OR2A14: variants seen among roughly 807,000 people sequenced by gnomAD.
The protein encoded by OR2A14 is olfactory receptor family 2 subfamily A member 14, also known as olfactory receptor 2A14.
Under a neutral mutation model 2.4 loss-of-function variants are expected in OR2A14, and 2 were observed. That is an observed-to-expected ratio of 0.85 (90% CI 0.35 to 2.67). The LOEUF (loss-of-function observed/expected upper bound fraction) is 2.67, where lower values mean the gene tolerates loss of function less well. Among genes scored for constraint, OR2A14 ranks in the 30% most tolerant of loss-of-function variants. OR2A14 has a pLI of 0.10. For missense variants in OR2A14, 390 were observed against 379.4 expected (o/e 1.03, Z -0.23); for synonymous variants, 160 against 156.3 (o/e 1.02, Z -0.18).
intron 1 of OR2A14, among the ~76,000 whole-genome samples, chr7:144,127,961 A>C (rs771785064): frequency 2.6e-5 from 4 of 152,150 alleles, no homozygotes; most frequent in Middle Eastern, 3.2e-3. Context: ...CCTTAGAAAG[A>C]GCTCACCAGC....
intron 1 of OR2A14, among the ~76,000 whole-genome samples, 193 bp downstream of exon 1, chr7:144,123,457 T>C (rs527807880): frequency 8.5e-5 from 13 of 152,248 alleles, no homozygotes; most frequent in African/African-American, 2.9e-4. Context: ...TATCCCAGGA[T>C]ATGGCCATGT....
In OR2A14 at chr7:144,130,170, T is replaced by C; in HGVS notation, c.*125T>C. The C allele has an allele frequency of 2.9e-6, 2 of 688,858 alleles. No individual in the cohort carries two copies. Among genetic ancestry groups the C allele is most frequent in the Non-Finnish European group, 4.8e-6 (2 of 417,848 alleles). 42.7% of individuals were successfully genotyped at this position (688,858 alleles called of 1,614,324 possible). A position where few individuals can be genotyped will look rare whatever the true frequency, so the allele number is the denominator to read the frequency against. ...AACTGGAATACTATAGACCTATACATATAAACTGAAGACACAAATCTTTTA... is the reference window on the plus strand; with the variant it reads ...AACTGGAATACTATAGACCTATACACATAAACTGAAGACACAAATCTTTTA... On this transcript the variant is annotated 3_prime_UTR_variant, in exon 2 of 2. Coordinates refer to ENST00000641068, the MANE Select transcript of OR2A14 (RefSeq NM_001001659.3).
At position 144,123,283 on chromosome 7, in the gene OR2A14, T is replaced by C. The variant is rs994745973; in HGVS notation, c.-35+19T>C. 4 of 152,198 alleles carry C rather than the reference T, an allele frequency of 2.6e-5. No individual in the cohort carries two copies. The highest frequency in any genetic ancestry group is 9.7e-5 in the African/African-American group (4 of 41,420). 9.4% of individuals were successfully genotyped at this position (152,198 alleles called of 1,614,324 possible). A position where few individuals can be genotyped will look rare whatever the true frequency, so the allele number is the denominator to read the frequency against. On this transcript the variant is annotated intron_variant, in intron 1 of 1. Coordinates refer to ENST00000641068, the MANE Select transcript of OR2A14 (RefSeq NM_001001659.3). ...TTGTACTGTAAGTAAATGTGGTGTA[T>C]TTGCCTTGAGAAAGGGTTTACAGAT...
Position 144,129,221 on chromosome 7 carries a change from A to T in OR2A14, c.109A>T (p.Thr37Ser), listed in dbSNP as rs753163621. 1.2e-4 allele frequency: 193 copies of T among 1,613,444 alleles called. No homozygotes were observed. Among genetic ancestry groups the T allele is most frequent in the Middle Eastern group, 1.6e-4 (1 of 6,082 alleles). ...ACTTTTCTCTGCCTTCTATACACTC[A>T]CCCTGCTGGGGAATGGGGTCATCTT... is the stretch of plus-strand genomic sequence containing the variant. ...CGLFSAFYTL[T>S]LLGNGVIFGI... Residue 37 changes from threonine (T) to serine (S), a missense_variant, in exon 2 of 2, where the codon ACC becomes TCC. By Grantham distance (58) the Thr-to-Ser change is moderately conservative (BLOSUM62 1). Coordinates refer to ENST00000641068, the MANE Select transcript of OR2A14 (RefSeq NM_001001659.3).
chr7:144,127,342 C>T (rs2051488918), intron 1 of OR2A14, among the ~76,000 whole-genome samples: 1 of 152,178 alleles, frequency 6.6e-6, no homozygotes, highest in South Asian at 2.1e-4. Flanking sequence ...GATTCTTACA[C>T]ACTGTGGGAG....
chr7:144,129,708 T>C lies in OR2A14; in HGVS notation c.596T>C (p.Phe199Ser). Residue 199 changes from phenylalanine (F) to serine (S), a missense_variant, in exon 2 of 2, where the codon TTT (phenylalanine) becomes TCT (serine). Coordinates refer to ENST00000641068, the MANE Select transcript of OR2A14 (RefSeq NM_001001659.3). The stretch of plus-strand genomic sequence containing the variant: ...ACCTGGCTCAACCAGGTGGTCATCT[T>C]TGCAGCCTGCGTGTTCATCCTGGTG... Reference protein sequence around the residue: ...ADTWLNQVVIFAACVFILVGP... With the variant: ...ADTWLNQVVISAACVFILVGP... The C allele has an allele frequency of 6.2e-7, 1 of 1,614,164 alleles. No individual in the cohort carries two copies. The highest frequency in any genetic ancestry group is 8.5e-7 in the Non-Finnish European group (1 of 1,180,038).
At position 144,129,444 on chromosome 7, in the gene OR2A14, G is replaced by C; in HGVS notation, c.332G>C (p.Cys111Ser). ...FLYLAFAHVE[C>S]LILVVMSYDR... ...TATTTGGCTTTTGCTCACGTAGAGT[G>C]TCTGATTTTGGTGGTGATGTCCTAT... is the stretch of plus-strand genomic sequence containing the variant. Residue 111 changes from cysteine to serine, a missense_variant, in exon 2 of 2, where the codon TGT becomes TCT. Transcript: ENST00000641068. 1 of 1,614,084 alleles carries C rather than the reference G, an allele frequency of 6.2e-7. No individual in the cohort carries two copies. Among genetic ancestry groups the C allele is most frequent in the African/African-American group, 1.3e-5 (1 of 75,036 alleles).
In OR2A14 at chr7:144,129,772, C is replaced by T. The variant is rs200543242; in HGVS notation, c.660C>T (p.Ile220=). The change falls in exon 2 of 2, where the codon ATC becomes ATT. Residue 220 remains isoleucine (I), a synonymous_variant. Coordinates refer to ENST00000641068, the MANE Select transcript of OR2A14 (RefSeq NM_001001659.3). The part of the protein sequence containing the change: ...LCLVLVSYLR[I]LAAILRIQSG... ...TGGTGCTGGTCTCCTACTTGCGCAT[C>T]CTGGCCGCCATCTTGAGGATCCAGT... 6.5e-4 allele frequency: 1,041 copies of T among 1,613,926 alleles called. No homozygotes were observed. Among genetic ancestry groups the T allele is most frequent in the Non-Finnish European group, 8.4e-4 (986 of 1,180,032 alleles).
Position 144,130,613 on chromosome 7 carries a change from C to CT in OR2A14, c.*569dup. ...ACCATGAGATACTATTATATACCCA[C>CT]TAAGATGTCTGAAATTTTTAATGGC... On this transcript the variant is annotated 3_prime_UTR_variant, in exon 2 of 2. Transcript: ENST00000641068. 1 of 152,226 alleles carries CT rather than the reference C, an allele frequency of 6.6e-6. No individual in the cohort carries two copies. Among genetic ancestry groups the CT allele is most frequent in the Non-Finnish European group, 1.5e-5 (1 of 68,114 alleles). The allele number at this position is 152,226 out of a possible 1,614,324, so 9.4% of individuals were successfully genotyped here.
chr7:144,127,129 C>T (rs891317403), intron 1 of OR2A14, among the ~76,000 whole-genome samples: 2 of 152,206 alleles, frequency 1.3e-5, no homozygotes, highest in Non-Finnish European at 2.9e-5. Context: ...TTATAATCTG[C>T]CTCCCTTTCA....
rs1234406611 is a variant in OR2A14 at position 144,130,605 on chromosome 7, T to C, written c.*560T>C. On this transcript the variant is annotated 3_prime_UTR_variant, in exon 2 of 2. Coordinates refer to ENST00000641068, the MANE Select transcript of OR2A14 (RefSeq NM_001001659.3). ...TTAAAACCACCATGAGATACTATTATATACCCACTAAGATGTCTGAAATTT... is the reference window on the plus strand; with the variant it reads ...TTAAAACCACCATGAGATACTATTACATACCCACTAAGATGTCTGAAATTT... The C allele has an allele frequency of 6.6e-6, 1 of 152,438 alleles. No individual in the cohort carries two copies. The highest frequency in any genetic ancestry group is 1.5e-5 in the Non-Finnish European group (1 of 68,238). 9.4% of individuals were successfully genotyped at this position (152,438 alleles called of 1,614,324 possible). A position where few individuals can be genotyped will look rare whatever the true frequency, so the allele number is the denominator to read the frequency against.
At chr7:144,128,489 GCTTCTGAAAAGGAGCGT>G (rs1338622006) in intron 1 of OR2A14, among the ~76,000 whole-genome samples, 3 of 152,174 alleles carry the variant, frequency 2.0e-5, no homozygotes, top group African/African-American at 7.2e-5. Flanking sequence ...GTACTGGCCA[GCTTCTGAAAAGGAGCGT>G]CTTATCTCAG....
chr7:144,125,533 A>C (rs1210671501), intron 1 of OR2A14, among the ~76,000 whole-genome samples: 3 of 152,202 alleles, frequency 2.0e-5, no homozygotes, highest in Non-Finnish European at 4.4e-5. Context: ...CTTATACTGT[A>C]TATTTGTTTA....
At chr7:144,127,087 G>A (rs2951337) in intron 1 of OR2A14, among the ~76,000 whole-genome samples, 80,736 of 151,984 alleles carry the variant, frequency 0.53, 21,800 homozygotes, top group East Asian at 0.74. Context: ...GTGAGGTGTG[G>A]AAGAGAAGCA....
intron 1 of OR2A14, among the ~76,000 whole-genome samples, 189 bp downstream of exon 1, chr7:144,123,453 A>C (rs2051459713): frequency 6.6e-6 from 1 of 152,116 alleles, no homozygotes; most frequent in South Asian, 2.1e-4. Flanking sequence ...CGTCTATCCC[A>C]GGATATGGCC....
intron 1 of OR2A14, among the ~76,000 whole-genome samples, chr7:144,125,778 T>C (rs918899519): frequency 6.6e-6 from 1 of 152,214 alleles, no homozygotes; most frequent in African/African-American, 2.4e-5. Context: ...TGCTGGGGTT[T>C]TTTTCCCCGA....
rs189828570 is a variant in OR2A14 at position 144,127,556 on chromosome 7, A to G, written c.-34-1523A>G. ...AATAAACAAAAATTCAAACAGTAAG[A>G]AATTCAGTAAATTGTGACAGAATAT... is the stretch of plus-strand genomic sequence containing the variant. On this transcript the variant is annotated intron_variant, in intron 1 of 1. Coordinates refer to ENST00000641068, the MANE Select transcript of OR2A14 (RefSeq NM_001001659.3). 1.6e-3 allele frequency among the ~76,000 whole-genome samples: 250 copies of G among 152,354 alleles called. 4 individuals carry two copies. The highest frequency in any genetic ancestry group is 8.6e-3 in the Admixed American group (131 of 15,304).
chr7:144,128,038 G>A (rs1025489585), intron 1 of OR2A14, among the ~76,000 whole-genome samples: 16 of 152,138 alleles, frequency 1.1e-4, no homozygotes, highest in African/African-American at 3.9e-4. Flanking sequence ...CAGGGCTGCT[G>A]GCATGATCAC....
intron 1 of OR2A14, among the ~76,000 whole-genome samples, 182 bp from the exon 2 acceptor site, chr7:144,128,897 A>AAT (rs2051503830): frequency 6.6e-6 from 1 of 152,240 alleles, no homozygotes; most frequent in African/African-American, 2.4e-5. Flanking sequence ...TACACACACA[A>AAT]ATATATATAC....
Sources: gnomAD v4.1 joint callset for allele counts (sites outside exome capture counted in the v4.1 genomes callset) on GRCh38, gnomAD v4.1.1 for gene constraint, MANE v1.5 for transcripts, NCBI Gene and HGNC (gene_info 2026-07-23, HGNC 2026-07-21) for gene names.